The following TRPC5 variants were observed in gnomAD, a reference collection of about 807,000 sequenced individuals.
TRPC5 encodes transient receptor potential cation channel subfamily C member 5, also known as short transient receptor potential channel 5.
Under a neutral mutation model 56.5 loss-of-function variants are expected in TRPC5, and 9 were observed. That is an observed-to-expected ratio of 0.16 (90% CI 0.10 to 0.28). TRPC5 has a LOEUF of 0.28. Ranked by LOEUF, TRPC5 falls within the 10% of genes least tolerant of loss-of-function variation. The probability of loss-of-function intolerance (pLI) is 1.00; values close to 1 mark genes in which losing one functional copy is unlikely to be tolerated. For missense variants in TRPC5, 469 were observed against 748.9 expected, an observed-to-expected ratio of 0.63 and a Z score of 4.36; for synonymous variants, 282 against 278.5, an observed-to-expected ratio of 1.01 and a Z score of -0.13.
At chrX:111,861,629 A>C (rs763101063) in intron 3 of TRPC5, among the ~76,000 whole-genome samples, 9 of 111,807 alleles carry the variant, frequency 8.0e-5, no homozygotes, top group Non-Finnish European at 1.3e-4. Context: ...ACTTGACACT[A>C]AAAATAATGA....
chrX:111,821,845 C>G (rs1056453040), intron 7 of TRPC5, among the ~76,000 whole-genome samples: 8 of 111,079 alleles, frequency 7.2e-5, no homozygotes, highest in African/African-American at 9.8e-5. Flanking sequence ...ATTCAGAGAC[C>G]AATTTAAGTA....
At chrX:112,071,801 G>A (rs185991739) in intron 1 of TRPC5, among the ~76,000 whole-genome samples, 13 of 111,864 alleles carry the variant, frequency 1.2e-4, no homozygotes, top group African/African-American at 4.2e-4. Flanking sequence ...TTTTGCCCAT[G>A]GCTTGTGGTT....
chrX:111,993,634 G>A (rs765962029), intron 1 of TRPC5, among the ~76,000 whole-genome samples: 1 of 112,322 alleles, frequency 8.9e-6, no homozygotes, highest in East Asian at 2.8e-4. Flanking sequence ...GTTTTGATTT[G>A]CATTTCTCTG....
chrX:111,899,494 A>G (rs1454072813), intron 3 of TRPC5, among the ~76,000 whole-genome samples: 1 of 111,689 alleles, frequency 9.0e-6, no homozygotes. Flanking sequence ...AATGAAACAC[A>G]TAAGTGAATA....
rs1049545377 is a variant in TRPC5 at position 111,797,804 on chromosome X, A to G, written c.1897-15666T>C. On this transcript the variant is annotated intron_variant, in intron 7 of 10. Coordinates refer to ENST00000262839, the MANE Select transcript of TRPC5 (RefSeq NM_012471.3). Reference sequence around the variant, plus strand: ...AAGATTTACTACTGTGTTTTCTTTTATGAGTTTATTTTTTAGCAACAGCTT... The same window carrying G: ...AAGATTTACTACTGTGTTTTCTTTTGTGAGTTTATTTTTTAGCAACAGCTT... 5.4e-5 allele frequency among the ~76,000 whole-genome samples: 6 copies of G among 111,458 alleles called. No individual in the cohort carries two copies. The South Asian group carries it at 2.2e-3, about 42-fold the overall frequency.
At chrX:111,792,131 A>G (rs1346329906) in intron 7 of TRPC5, among the ~76,000 whole-genome samples, 5 of 112,313 alleles carry the variant, frequency 4.5e-5, no homozygotes, top group Non-Finnish European at 7.5e-5. Flanking sequence ...GCAGCCATAT[A>G]AAAGAATGAG....
intron 3 of TRPC5, among the ~76,000 whole-genome samples, chrX:111,888,266 C>A (rs746326112): frequency 9.0e-6 from 1 of 110,664 alleles, no homozygotes; most frequent in East Asian, 2.8e-4. Flanking sequence ...GCCATATAAA[C>A]CACTATAAGG....
At chrX:111,914,200 GA>G (rs1331705748) in intron 2 of TRPC5, among the ~76,000 whole-genome samples, 1 of 110,824 alleles carries the variant, frequency 9.0e-6, no homozygotes, top group African/African-American at 3.3e-5. Flanking sequence ...TACACTTTAG[GA>G]AAAAAAAGTT....
At chrX:111,854,172 C>T (rs1923159951) in intron 3 of TRPC5, 66 bp from the exon 4 acceptor site, 2 of 1,080,482 alleles carry the variant, frequency 1.9e-6, no homozygotes, top group Admixed American at 5.5e-5. Context: ...GTCATAATAC[C>T]TTTCCTAGTT....
intron 1 of TRPC5, among the ~76,000 whole-genome samples, chrX:111,973,598 G>T (rs1927841535): frequency 9.0e-6 from 1 of 111,691 alleles, no homozygotes; most frequent in Admixed American, 9.5e-5. Flanking sequence ...TGTTTCCACA[G>T]TGATTCTAAT....
At chrX:112,010,157 G>A (rs192078463) in intron 1 of TRPC5, among the ~76,000 whole-genome samples, 2,738 of 111,651 alleles carry the variant, frequency 0.025, 35 homozygotes, top group Middle Eastern at 0.05. Flanking sequence ...TTAAATCCCT[G>A]CTCCACAGTA....
chrX:112,070,359 C>T (rs1930686866), intron 1 of TRPC5, among the ~76,000 whole-genome samples: 2 of 111,475 alleles, frequency 1.8e-5, no homozygotes, highest in Admixed American at 9.6e-5. Context: ...ATTTTCCAAG[C>T]TCCATCAAGC....
At chrX:111,933,406 A>T (rs1023771526) in intron 2 of TRPC5, among the ~76,000 whole-genome samples, 1 of 111,200 alleles carries the variant, frequency 9.0e-6, no homozygotes, top group Non-Finnish European at 1.9e-5. Context: ...AGGACATGAC[A>T]TCATATGCAG....
At chrX:111,782,193 C>A in intron 7 of TRPC5, 55 bp from the exon 8 acceptor site, 1 of 1,057,047 alleles carries the variant, frequency 9.5e-7, no homozygotes, top group East Asian at 3.1e-5. Flanking sequence ...ACGATGTACT[C>A]ACTTCTTATT....
Position 111,774,870 on chromosome X carries a change from A to G in TRPC5, c.*1443T>C, listed in dbSNP as rs1945865921. The G allele has an allele frequency of 9.0e-6, 1 of 110,834 alleles. No homozygotes were observed. Among genetic ancestry groups the G allele is most frequent in the African/African-American group, 3.3e-5 (1 of 30,425 alleles). The allele number at this position is 110,834 out of a possible 1,213,427, so 9.1% of individuals were successfully genotyped here. ...TTTCTGGGCTACACACTATTTATGT[A>G]ATCTCTAGGACTCAGACCTAGAGTT... On this transcript the variant is annotated 3_prime_UTR_variant, in exon 11 of 11. Transcript: ENST00000262839.
At position 111,771,593 on chromosome X, in the gene TRPC5, C is replaced by G. The variant is rs772837449; in HGVS notation, c.*4720G>C. Among the ~76,000 whole-genome samples, 7 of 111,302 alleles carry G rather than the reference C, an allele frequency of 6.3e-5. No individual in the cohort carries two copies. The highest frequency in any genetic ancestry group is 1.1e-4 in the Non-Finnish European group (6 of 53,082). On this transcript the variant is annotated 3_prime_UTR_variant, in exon 11 of 11. Coordinates refer to ENST00000262839, the MANE Select transcript of TRPC5 (RefSeq NM_012471.3). ...CACAAAGCACCCACTAACACCTCCT[C>G]TGGATCACCACACAAAAGATGAAAA...
intron 10 of TRPC5, among the ~76,000 whole-genome samples, 177 bp from the exon 11 acceptor site, chrX:111,777,179 C>G (rs1674224761): frequency 9.0e-6 from 1 of 111,419 alleles, no homozygotes. Flanking sequence ...ATGGGCAGGG[C>G]TGGGCTGGCC....
chrX:111,902,429 A>G (rs1355518965), intron 3 of TRPC5: 2 of 197,294 alleles, frequency 1.0e-5, no homozygotes, highest in Non-Finnish European at 1.8e-5. Context: ...ACCTGTACTT[A>G]CTCTCATGCT....
At chrX:111,815,800 C>A (rs1014654747) in intron 7 of TRPC5, among the ~76,000 whole-genome samples, 2 of 110,885 alleles carry the variant, frequency 1.8e-5, no homozygotes, top group Non-Finnish European at 3.8e-5. Context: ...TTCCATCTGT[C>A]CCTCTTTTCG....
Sources: gnomAD v4.1 joint callset for allele counts (sites outside exome capture counted in the v4.1 genomes callset) on GRCh38, gnomAD v4.1.1 for gene constraint, MANE v1.5 for transcripts, NCBI Gene and HGNC (gene_info 2026-07-23, HGNC 2026-07-21) for gene names.